Variants in SEPSECS observed in about 807,000 individuals in gnomAD.
SEPSECS encodes the protein Sep (O-phosphoserine) tRNA:Sec (selenocysteine) tRNA synthase, also known as O-phosphoseryl-tRNA(Sec) selenium transferase.
Under a neutral mutation model 52.1 loss-of-function variants are expected in SEPSECS, and 42 were observed. The ratio of observed to expected loss-of-function variants is 0.81; its 90% CI spans 0.63 to 1.04. The LOEUF (loss-of-function observed/expected upper bound fraction) is 1.04, where lower values mean the gene tolerates loss of function less well. Among genes scored for constraint, SEPSECS ranks in the 50% least tolerant of loss-of-function variants. The pLI is 0.00. For missense variants in SEPSECS, 590 were observed against 610.6 expected (o/e 0.97, Z 0.36); for synonymous variants, 216 against 211.4 (o/e 1.02, Z -0.19).
chr4:25,135,969 T>C (rs900744478), intron 8 of SEPSECS, among the ~76,000 whole-genome samples: 1 of 152,214 alleles, frequency 6.6e-6, no homozygotes, highest in African/African-American at 2.4e-5. Flanking sequence ...ATTATCTCAA[T>C]AGATGCAGAA....
intron 3 of SEPSECS, 83 bp downstream of exon 3, chr4:25,156,773 A>C (rs1199954164): frequency 4.3e-6 from 3 of 702,760 alleles, no homozygotes; most frequent in Non-Finnish European, 5.3e-6. Flanking sequence ...CTTTTTGGAA[A>C]GGGGCAATAA....
At chr4:25,153,686 A>C (rs1712451941) in intron 5 of SEPSECS, among the ~76,000 whole-genome samples, 1 of 152,024 alleles carries the variant, frequency 6.6e-6, no homozygotes, top group African/African-American at 2.4e-5. Context: ...TAAAAAAAAC[A>C]AAAAACAAAA....
At chr4:25,157,584 G>A (rs943976868) in intron 2 of SEPSECS, among the ~76,000 whole-genome samples, 3 of 139,856 alleles carry the variant, frequency 2.1e-5, no homozygotes, top group African/African-American at 8.1e-5. Context: ...TCGCTCTGTC[G>A]CCCAGGCTGG....
At chr4:25,155,938 G>A (rs1361579248) in intron 4 of SEPSECS, 99 bp downstream of exon 4, 8 of 1,148,084 alleles carry the variant, frequency 7.0e-6, no homozygotes, top group African/African-American at 6.3e-5. Flanking sequence ...AAGCAATAGG[G>A]AAGAGAGTTA....
At position 25,123,903 on chromosome 4, in the gene SEPSECS, A is replaced by C. The variant is rs770981263; in HGVS notation, c.*28T>G. 5 of 1,591,396 alleles carry C rather than the reference A, an allele frequency of 3.1e-6. No individual in the cohort carries two copies. The highest frequency in any genetic ancestry group is 3.3e-5 in the Admixed American group (2 of 59,924). On this transcript the variant is annotated 3_prime_UTR_variant, in exon 11 of 11. Coordinates refer to ENST00000382103, the MANE Select transcript of SEPSECS (RefSeq NM_016955.4). ...GTACTACAGCCTTATCATTTCTTTC[A>C]AATGATCAAGAAGAAACCCTTCGCA...
At chr4:25,148,519 T>G (rs1167678383) in intron 6 of SEPSECS, among the ~76,000 whole-genome samples, 1 of 152,224 alleles carries the variant, frequency 6.6e-6, no homozygotes, top group African/African-American at 2.4e-5. Flanking sequence ...ACTCAAGTAT[T>G]CATTTGATTT....
At chr4:25,130,554 T>C (rs1238894253) in intron 8 of SEPSECS, among the ~76,000 whole-genome samples, 1 of 152,204 alleles carries the variant, frequency 6.6e-6, no homozygotes, top group African/African-American at 2.4e-5. Flanking sequence ...CGGGAGTAAT[T>C]AGATTTAAAA....
intron 4 of SEPSECS, 87 bp from the exon 5 acceptor site, chr4:25,155,238 C>T (rs764838414): frequency 8.0e-6 from 11 of 1,371,872 alleles, no homozygotes; most frequent in Non-Finnish European, 1.1e-5. Context: ...CTATTCTACA[C>T]AAGAACTCTT....
At chr4:25,143,817 A>G (rs990087614) in intron 8 of SEPSECS, among the ~76,000 whole-genome samples, 2 of 152,186 alleles carry the variant, frequency 1.3e-5, no homozygotes, top group African/African-American at 4.8e-5. Context: ...ATAAGGGACT[A>G]CAATTGTTGT....
At chr4:25,125,018 G>C (rs1728304132) in intron 10 of SEPSECS, among the ~76,000 whole-genome samples, 2 of 152,028 alleles carry the variant, frequency 1.3e-5, no homozygotes, top group South Asian at 4.1e-4. Flanking sequence ...ATTGTATATA[G>C]ATGAGTTCAT....
intron 5 of SEPSECS, among the ~76,000 whole-genome samples, chr4:25,154,160 C>A (rs1421038948): frequency 6.6e-6 from 1 of 152,090 alleles, no homozygotes; most frequent in Non-Finnish European, 1.5e-5. Flanking sequence ...ATGAATGTAG[C>A]AAGGTAAATT....
At chr4:25,159,833 G>C in intron 1 of SEPSECS, 1 of 1,089,006 alleles carries the variant, frequency 9.2e-7, no homozygotes, top group South Asian at 2.3e-5. Context: ...TGGCAGGAGG[G>C]AGACCTGTGA....
intron 6 of SEPSECS, among the ~76,000 whole-genome samples, chr4:25,148,180 G>A (rs1233052780): frequency 1.3e-5 from 2 of 151,862 alleles, no homozygotes; most frequent in African/African-American, 4.8e-5. Context: ...GTGAAACCCC[G>A]TCTCTACTAA....
chr4:25,140,336 A>G (rs966021058), intron 8 of SEPSECS, among the ~76,000 whole-genome samples: 1 of 152,256 alleles, frequency 6.6e-6, no homozygotes, highest in African/African-American at 2.4e-5. Flanking sequence ...CAGAGTAGCT[A>G]GATTTATTCA....
chr4:25,120,134 T>C lies in SEPSECS; in HGVS notation c.*3797A>G, dbSNP rs1728059750. The C allele has an allele frequency of 6.6e-6, 1 of 152,172 alleles. No individual in the cohort carries two copies. The highest frequency in any genetic ancestry group is 1.5e-5 in the Non-Finnish European group (1 of 68,002). The allele number at this position is 152,172 out of a possible 1,614,324, so 9.4% of individuals were successfully genotyped here. A position where few individuals can be genotyped will look rare whatever the true frequency, so the allele number is the denominator to read the frequency against. On this transcript the variant is annotated 3_prime_UTR_variant, in exon 11 of 11. Coordinates refer to ENST00000382103, the MANE Select transcript of SEPSECS (RefSeq NM_016955.4). ...CTTTTGGTAAAACAGGTTAGCAGGC[T>C]GACATCAGCTTCATATTCTCATGGC...
intron 9 of SEPSECS, 36 bp downstream of exon 9, chr4:25,127,228 T>C (rs1220026796): frequency 3.0e-6 from 4 of 1,338,068 alleles, no homozygotes; most frequent in Non-Finnish European, 1.1e-6. Context: ...GAGTGGATCA[T>C]AAGTATTTGT....
At position 25,130,755 on chromosome 4, in the gene SEPSECS, G is replaced by A. The variant is rs140226834; in HGVS notation, c.1027-3398C>T. Among the ~76,000 whole-genome samples the A allele has an allele frequency of 2.5e-3, 379 of 152,038 alleles. 1 individual carries two copies. The highest frequency in any genetic ancestry group is 8.7e-3 in the African/African-American group (359 of 41,492). On this transcript the variant is annotated intron_variant, in intron 8 of 10. Transcript: ENST00000382103. Reference sequence around the variant, plus strand: ...AATATTACTACATTTTAAAAATATCGTTTAGGAGACTATACCACTATCCTA... The same window carrying A: ...AATATTACTACATTTTAAAAATATCATTTAGGAGACTATACCACTATCCTA...
At chr4:25,147,944 T>C (rs1053650231) in intron 6 of SEPSECS, among the ~76,000 whole-genome samples, 2 of 152,202 alleles carry the variant, frequency 1.3e-5, no homozygotes, top group Non-Finnish European at 2.9e-5. Context: ...TGGGCTATTT[T>C]GTAGCTACAG....
At position 25,155,464 on chromosome 4, in the gene SEPSECS, T is replaced by C. The variant is rs1392305105; in HGVS notation, c.548-313A>G. Among the ~76,000 whole-genome samples the C allele has an allele frequency of 2.0e-5, 3 of 152,180 alleles. No individual in the cohort carries two copies. In the East Asian group the frequency reaches 5.8e-4, roughly 29 times the overall value. Reference sequence around the variant, plus strand: ...ATAGAAGTAATAACATAGACACTGATGACAAAAAGGATCACTTTAATCCAG... The same window carrying C: ...ATAGAAGTAATAACATAGACACTGACGACAAAAAGGATCACTTTAATCCAG... On this transcript the variant is annotated intron_variant, in intron 4 of 10. Transcript: ENST00000382103.
Sources: gnomAD v4.1 joint callset for allele counts (sites outside exome capture counted in the v4.1 genomes callset) on GRCh38, gnomAD v4.1.1 for gene constraint, MANE v1.5 for transcripts, NCBI Gene and HGNC (gene_info 2026-07-23, HGNC 2026-07-21) for gene names.